VPS4A: variants seen among roughly 807,000 people sequenced by gnomAD.
VPS4A encodes the protein vacuolar protein sorting 4 homolog A.
VPS4A carries 20 observed loss-of-function variants against 52.3 expected under a neutral mutation model. The observed-to-expected ratio is 0.38, with a 90% confidence interval of 0.27 to 0.56. VPS4A has a LOEUF of 0.56. VPS4A is among the 20% of genes least tolerant of loss of function. The pLI, the probability that VPS4A is intolerant of heterozygous loss-of-function variation, is 0.72. For synonymous variants in VPS4A, 293 were observed against 227.7 expected, an observed-to-expected ratio of 1.29 and a Z score of -2.58; for missense variants, 419 against 575.9, an observed-to-expected ratio of 0.73 and a Z score of 2.79.
rs1365684070 is a variant in VPS4A at position 69,316,083 on chromosome 16, C to G, written c.97C>G (p.Gln33Glu). ...CTACGAGGAGGCGCTGCGGCTGTAC[C>G]AGCATGCGGTGGAGTACTTCCTCCA... ...KNYEEALRLY[Q>E]HAVEYFLHAI... Residue 33 changes from glutamine to glutamate, a missense_variant, in exon 2 of 11, where the codon CAG becomes GAG. Around this residue, in one of 3 missense-constraint regions of VPS4A, gnomAD observed 131 missense variants for 165.4 expected, o/e 0.79. Transcript: ENST00000254950. 3.7e-6 allele frequency: 6 copies of G among 1,613,496 alleles called. No individual in the cohort carries two copies. Among genetic ancestry groups the G allele is most frequent in the Non-Finnish European group, 5.1e-6 (6 of 1,179,878 alleles).
intron 3 of VPS4A, 87 bp downstream of exon 3, chr16:69,316,459 C>T (rs1965438248): frequency 1.9e-6 from 3 of 1,545,752 alleles, no homozygotes; most frequent in Non-Finnish European, 2.6e-6. Context: ...TTGGACTTCC[C>T]TGTGGGAATG....
rs962183413 is a variant in VPS4A, at chr16:69,320,867, T to A, written c.851+98T>A. On this transcript the variant is annotated intron_variant, in intron 8 of 10. Transcript: ENST00000254950. This position sits in a 1 kb window ranked among gnomAD's most constrained non-coding sequence, Gnocchi z 4.2. ...AGCCCGGGTGCAGCCTGGCCCCTTT[T>A]CCCTGGAGTCTTCCCGTCTGCCTGC... is the stretch of plus-strand genomic sequence containing the variant. 1.5e-6 allele frequency: 2 copies of A among 1,328,504 alleles called. No homozygotes were observed. Among genetic ancestry groups the A allele is most frequent in the Non-Finnish European group, 2.1e-6 (2 of 955,424 alleles). 82.3% of individuals were successfully genotyped at this position (1,328,504 alleles called of 1,614,324 possible).
chr16:69,322,432 G>T (rs1025732507), intron 9 of VPS4A, 128 bp from the exon 10 acceptor site: 19 of 1,061,958 alleles, frequency 1.8e-5, no homozygotes, highest in Non-Finnish European at 2.2e-5. Flanking sequence ...GAGTTCTGAA[G>T]GAGCCCGTCC....
intron 9 of VPS4A, 74 bp from the exon 10 acceptor site, chr16:69,322,482 ACTTC>A (rs991724086): frequency 3.2e-4 from 459 of 1,439,316 alleles, no homozygotes; most frequent in Non-Finnish European, 4.0e-4. Flanking sequence ...TCTCTTTGGG[ACTTC>A]CTTAGAGACC....
Position 69,320,495 on chromosome 16 carries a change from G to A in VPS4A, c.770-193G>A. ...GGGCCACTCCACCCCTCCCATGGCA[G>A]GCAGTGCCATAGGTCTCACCTGGCA... On this transcript the variant is annotated intron_variant, in intron 7 of 10. Transcript: ENST00000254950. This position sits in a 1 kb window ranked among gnomAD's most constrained non-coding sequence, Gnocchi z 4.2. 1.2e-6 allele frequency: 1 copy of A among 816,226 alleles called. No individual in the cohort carries two copies. Among genetic ancestry groups the A allele is most frequent in the Non-Finnish European group, 1.9e-6 (1 of 525,764 alleles). 50.6% of individuals were successfully genotyped at this position (816,226 alleles called of 1,614,324 possible). A position where few individuals can be genotyped will look rare whatever the true frequency, so the allele number is the denominator to read the frequency against.
rs1238938588 is a variant in VPS4A, at chr16:69,326,720, G to A, written c.*2411G>A. 1.3e-5 allele frequency: 2 copies of A among 152,214 alleles called. No homozygotes were observed. Among genetic ancestry groups the A allele is most frequent in the Non-Finnish European group, 2.9e-5 (2 of 68,048 alleles). The allele number at this position is 152,214 out of a possible 1,614,324, so 9.4% of individuals were successfully genotyped here. A position where few individuals can be genotyped will look rare whatever the true frequency, so the allele number is the denominator to read the frequency against. On this transcript the variant is annotated 3_prime_UTR_variant, in exon 11 of 11. Coordinates refer to ENST00000254950, the MANE Select transcript of VPS4A (RefSeq NM_013245.3). ...ATCGATGTTAAACATGCTGACATGTGCAGAGGAGTTTCCTCCCTGAAATGC... is the reference window on the plus strand; with the variant it reads ...ATCGATGTTAAACATGCTGACATGTACAGAGGAGTTTCCTCCCTGAAATGC...
intron 6 of VPS4A, among the ~76,000 whole-genome samples, chr16:69,319,770 G>A (rs1293846097): frequency 2.6e-5 from 4 of 152,238 alleles, no homozygotes; most frequent in African/African-American, 9.6e-5. Flanking sequence ...GGGAAAGGAA[G>A]TGAGGATATT....
At chr16:69,312,486 T>C (rs1275428137) in intron 1 of VPS4A, among the ~76,000 whole-genome samples, 1 of 152,156 alleles carries the variant, frequency 6.6e-6, no homozygotes, top group Non-Finnish European at 1.5e-5. Flanking sequence ...TAAGAGTCCA[T>C]AGCCAGATCC....
At chr16:69,312,064 A>G (rs1391581403) in intron 1 of VPS4A, among the ~76,000 whole-genome samples, 1 of 152,196 alleles carries the variant, frequency 6.6e-6, no homozygotes, top group Non-Finnish European at 1.5e-5. Context: ...CTGGGTGAAC[A>G]ACTGACCCAC....
chr16:69,321,069 T>C lies in VPS4A; in HGVS notation c.870T>C (p.Tyr290=). Residue 290 remains tyrosine (Y), a synonymous_variant, in exon 9 of 11, where the codon TAT becomes TAC. Coordinates refer to ENST00000254950, the MANE Select transcript of VPS4A (RefSeq NM_013245.3). The surrounding 1 kb of genome is among the most constrained non-coding windows in gnomAD (Gnocchi z 4.5). The part of the protein sequence containing the change: ...AIRRRFEKRI[Y]IPLPEEAARA... ...TCTCTAGGTTTGAAAAACGAATTTA[T>C]ATCCCCTTGCCGGAGGAAGCTGCCC... 6.3e-7 allele frequency: 1 copy of C among 1,589,636 alleles called. No homozygotes were observed. Among genetic ancestry groups the C allele is most frequent in the Admixed American group, 1.7e-5 (1 of 57,416 alleles).
rs189712862 is a variant in VPS4A, at chr16:69,322,506, G to A, written c.1072-54G>A. Reference sequence around the variant, plus strand: ...GACTTCCTTAGAGACCGGAGGGGTCGAGCCCCTCTGACACTGAGGGGCAGC... The same window carrying A: ...GACTTCCTTAGAGACCGGAGGGGTCAAGCCCCTCTGACACTGAGGGGCAGC... On this transcript the variant is annotated intron_variant, in intron 9 of 10. Transcript: ENST00000254950. 207 of 1,551,350 alleles carry A rather than the reference G, an allele frequency of 1.3e-4. No individual in the cohort carries two copies. In the East Asian group the frequency reaches 4.3e-3, roughly 32 times the overall value.
intron 1 of VPS4A, 114 bp from the exon 2 acceptor site, chr16:69,315,894 A>G (rs368868124): frequency 1.2e-6 from 1 of 846,898 alleles, no homozygotes; most frequent in Admixed American, 2.7e-5. Context: ...GCCCGCAAGC[A>G]ATAAATCCAC....
rs1406755489 is a variant in VPS4A, at chr16:69,325,220, T to TC, written c.*911_*912insC. 6.6e-6 allele frequency: 1 copy of TC among 152,272 alleles called. No homozygotes were observed. The highest frequency in any genetic ancestry group is 2.4e-5 in the African/African-American group (1 of 41,442). 9.4% of individuals were successfully genotyped at this position (152,272 alleles called of 1,614,324 possible). A position where few individuals can be genotyped will look rare whatever the true frequency, so the allele number is the denominator to read the frequency against. On this transcript the variant is annotated 3_prime_UTR_variant, in exon 11 of 11. Coordinates refer to ENST00000254950, the MANE Select transcript of VPS4A (RefSeq NM_013245.3). ...TCAGGTGTGCAAGGCCTCCTCCCCT[T>TC]AAGGCCTCAGAAGTTTGGCTGGGGA...
At chr16:69,316,187 C>T (rs1264748586) in intron 2 of VPS4A, 38 bp from the exon 3 acceptor site, 9 of 1,612,276 alleles carry the variant, frequency 5.6e-6, no homozygotes, top group South Asian at 1.1e-5. Flanking sequence ...GGGTGGCGCA[C>T]GAGCCTCACA....
At position 69,326,086 on chromosome 16, in the gene VPS4A, A is replaced by G. The variant is rs944762302; in HGVS notation, c.*1777A>G. 6.6e-6 allele frequency: 1 copy of G among 152,374 alleles called. No individual in the cohort carries two copies. Among genetic ancestry groups the G allele is most frequent in the Non-Finnish European group, 1.5e-5 (1 of 68,150 alleles). The allele number at this position is 152,374 out of a possible 1,614,324, so 9.4% of individuals were successfully genotyped here. Reference sequence around the variant, plus strand: ...CACACAGAAAGACCTGGCCTAGTAAATGAAGCTTATAGCCTGCAAAGGGCT... The same window carrying G: ...CACACAGAAAGACCTGGCCTAGTAAGTGAAGCTTATAGCCTGCAAAGGGCT... On this transcript the variant is annotated 3_prime_UTR_variant, in exon 11 of 11. Transcript: ENST00000254950.
rs371818412 is a variant in VPS4A, at chr16:69,321,010, A to C, written c.852-41A>C. On this transcript the variant is annotated intron_variant, in intron 8 of 10. Transcript: ENST00000254950. The surrounding 1 kb of genome is among the most constrained non-coding windows in gnomAD (Gnocchi z 4.5). ...CCTCCCCTTCCGTGAATACCATTCC[A>C]TCATCCGCTGTCAACTCCTGCCGTG... is the stretch of plus-strand genomic sequence containing the variant. 1.3e-6 allele frequency: 2 copies of C among 1,537,536 alleles called. No individual in the cohort carries two copies. Among genetic ancestry groups the C allele is most frequent in the East Asian group, 4.9e-5 (2 of 40,842 alleles).
In VPS4A at chr16:69,320,709, G is replaced by T; in HGVS notation, c.791G>T (p.Gly264Val). 6.2e-7 allele frequency: 1 copy of T among 1,607,424 alleles called. No homozygotes were observed. Among genetic ancestry groups the T allele is most frequent in the Non-Finnish European group, 8.5e-7 (1 of 1,177,100 alleles). Residue 264 changes from glycine to valine, a missense_variant, in exon 8 of 11, where the codon GGG becomes GTG. Physicochemically the swap from Gly to Val is moderately radical, Grantham distance 109 (BLOSUM62 -3). Around this residue, in one of 3 missense-constraint regions of VPS4A, gnomAD observed 103 missense variants for 210.3 expected, o/e 0.49. Coordinates refer to ENST00000254950, the MANE Select transcript of VPS4A (RefSeq NM_013245.3). This position sits in a 1 kb window ranked among gnomAD's most constrained non-coding sequence, Gnocchi z 4.2. ...QMQGVGNNND[G>V]TLVLGATNIP... ...ACAGGGGTGGGGAATAACAATGATG[G>T]GACTCTGGTTCTTGGAGCCACAAAC... is the stretch of plus-strand genomic sequence containing the variant.
rs200316965 is a variant in VPS4A, at chr16:69,318,830, C to T, written c.351C>T (p.Val117=). The part of the protein sequence containing the change: ...KKLQEQLMGA[V]VMEKPNIRWN... ...CCGGCCTCCCTCTCGCAGGTGCCGT[C>T]GTGATGGAGAAGCCCAACATACGGT... The change falls in exon 5 of 11, where the codon GTC becomes GTT. Residue 117 remains valine (V), a synonymous_variant. Coordinates refer to ENST00000254950, the MANE Select transcript of VPS4A (RefSeq NM_013245.3). 52 of 1,613,100 alleles carry T rather than the reference C, an allele frequency of 3.2e-5. No individual in the cohort carries two copies. In the Admixed American group the frequency reaches 5.0e-4, roughly 16 times the overall value.
rs373328474 is a variant in VPS4A at position 69,320,004 on chromosome 16, C to G, written c.621-137C>G. 2 of 1,233,478 alleles carry G rather than the reference C, an allele frequency of 1.6e-6. No individual in the cohort carries two copies. Among genetic ancestry groups the G allele is most frequent in the South Asian group, 1.5e-5 (1 of 65,536 alleles). The allele number at this position is 1,233,478 out of a possible 1,614,324, so 76.4% of individuals were successfully genotyped here. ...TGCAGTGTGGCCCGAGGGCTCCTCA[C>G]CACCACGTTTTCCGCAATTCCGGCA... is the stretch of plus-strand genomic sequence containing the variant. On this transcript the variant is annotated intron_variant, in intron 6 of 10. Transcript: ENST00000254950. The surrounding 1 kb of genome is among the most constrained non-coding windows in gnomAD (Gnocchi z 4.2).
Sources: allele counts gnomAD v4.1 joint callset (sites outside exome capture counted in the v4.1 genomes callset), GRCh38; gene constraint gnomAD v4.1.1; regional missense constraint gnomAD v4.1.1; non-coding constraint Gnocchi (gnomAD v3.1); transcripts MANE v1.5; gene names NCBI Gene and HGNC (gene_info 2026-07-23, HGNC 2026-07-21).